Variants in TMED8 observed in about 807,000 individuals in gnomAD.
TMED8 encodes transmembrane p24 trafficking protein family member 8.
TMED8 carries 15 observed loss-of-function variants against 32.7 expected under a neutral mutation model. That is an observed-to-expected ratio of 0.46 (90% CI 0.31 to 0.71). TMED8 has a LOEUF of 0.71. TMED8 is among the 30% of genes least tolerant of loss of function. TMED8 has a pLI of 0.06. For synonymous variants in TMED8, 147 were observed against 161.4 expected (o/e 0.91, Z 0.68); for missense variants, 390 against 423.9 (o/e 0.92, Z 0.70).
At chr14:77,347,447 A>G (rs1893076369) in intron 2 of TMED8, among the ~76,000 whole-genome samples, 1 of 152,218 alleles carries the variant, frequency 6.6e-6, no homozygotes, top group African/African-American at 2.4e-5. Context: ...CAGCTATGTG[A>G]ATAGTTGTTT....
chr14:77,368,983 C>T (rs1287455348), intron 1 of TMED8, among the ~76,000 whole-genome samples: 1 of 152,170 alleles, frequency 6.6e-6, no homozygotes, highest in Non-Finnish European at 1.5e-5. Context: ...ATATTGAGAT[C>T]CGAAAATATT....
chr14:77,358,983 A>G (rs945456804), intron 1 of TMED8, among the ~76,000 whole-genome samples: 10 of 152,026 alleles, frequency 6.6e-5, no homozygotes, highest in African/African-American at 2.4e-4. Context: ...TCACAGCTCA[A>G]TGCAGTCTCA....
Position 77,343,411 on chromosome 14 carries a change from C to T in TMED8, c.527G>A (p.Gly176Asp), listed in dbSNP as rs201428155. The change falls in exon 5 of 6, where the codon GGC (glycine) becomes GAC (aspartate). Residue 176 changes from glycine (G) to aspartate (D), a missense_variant. Physicochemically the swap from Gly to Asp is moderately conservative, Grantham distance 94 (BLOSUM62 -1). Coordinates refer to ENST00000216468, the MANE Select transcript of TMED8 (RefSeq NM_213601.3). ...CACCAGACGGCTGTTCTTCTCTTTG[C>T]CCAGCTTGCTTTTGAATTCCTTCAC... Reference protein sequence around the residue: ...AKVKEFKSKLGKEKNSRLVVK... With the variant: ...AKVKEFKSKLDKEKNSRLVVK... The T allele has an allele frequency of 3.1e-6, 5 of 1,613,932 alleles. No homozygotes were observed. The highest frequency in any genetic ancestry group is 1.3e-5 in the African/African-American group (1 of 75,046).
intron 2 of TMED8, among the ~76,000 whole-genome samples, chr14:77,351,383 C>T (rs1433102219): frequency 7.7e-5 from 4 of 51,776 alleles, no homozygotes; most frequent in South Asian, 2.5e-3. Context: ...CTACTACAGG[C>T]GTGTAGTCTG....
At chr14:77,373,047 C>T (rs569327255) in intron 1 of TMED8, among the ~76,000 whole-genome samples, 1 of 138,080 alleles carries the variant, frequency 7.2e-6, no homozygotes, top group African/African-American at 2.7e-5. Flanking sequence ...CTCACTGCAA[C>T]CTCTGCCTCC....
chr14:77,360,731 G>A (rs1353292868), intron 1 of TMED8, among the ~76,000 whole-genome samples: 1 of 152,136 alleles, frequency 6.6e-6, no homozygotes, highest in Non-Finnish European at 1.5e-5. Context: ...GGGTCATGTG[G>A]TAGTTCTACT....
chr14:77,352,183 C>T (rs1893196205), intron 1 of TMED8, among the ~76,000 whole-genome samples: 1 of 151,996 alleles, frequency 6.6e-6, no homozygotes, highest in East Asian at 1.9e-4. Context: ...AATCCCAGCA[C>T]TTTGGGAGGC....
rs115377366 is a variant in TMED8 at position 77,348,834 on chromosome 14, C to T, written c.198-2356G>A. Among the ~76,000 whole-genome samples the T allele has an allele frequency of 3.3e-3, 505 of 152,302 alleles. 3 individuals carry two copies. The highest frequency in any genetic ancestry group is 0.012 in the African/African-American group (485 of 41,562). ...TTACTCCAACCTACCTCAGGACAGA[C>T]AAGAGGAGGTCACTCCAAGAATCAG... On this transcript the variant is annotated intron_variant, in intron 2 of 5. Transcript: ENST00000216468.
chr14:77,372,923 TATATATATATATATATATATA>T (rs1893708771), intron 1 of TMED8, among the ~76,000 whole-genome samples: 9 of 25,810 alleles, frequency 3.5e-4, no homozygotes, highest in Admixed American at 6.9e-4. Context: ...TATATATATA[TATATATATATATATATATATA>T]TATATATATT....
intron 1 of TMED8, among the ~76,000 whole-genome samples, chr14:77,373,008 C>T (rs1893732605): frequency 8.5e-6 from 1 of 118,236 alleles, no homozygotes; most frequent in Non-Finnish European, 1.6e-5. Flanking sequence ...CTCTGTCGCC[C>T]AGGCTGGAGT....
intron 1 of TMED8, among the ~76,000 whole-genome samples, chr14:77,358,109 G>A (rs1239332576): frequency 3.1e-5 from 4 of 129,466 alleles, no homozygotes; most frequent in East Asian, 2.4e-4. Context: ...GGGTGATGGA[G>A]TGAGGCTCTG....
At position 77,377,037 on chromosome 14, in the gene TMED8, G is replaced by A. The variant is rs1170370920; in HGVS notation, c.17C>T (p.Ala6Val). The A allele has an allele frequency of 6.5e-6, 9 of 1,381,466 alleles. No homozygotes were observed. Among genetic ancestry groups the A allele is most frequent in the South Asian group, 5.0e-5 (3 of 59,644 alleles). 85.6% of individuals were successfully genotyped at this position (1,381,466 alleles called of 1,614,324 possible). ...GCTCCAGGAGCCCGGCCCCTCAGCC[G>A]CCTGCAGGTCAGACATCTGCAGCCC... The part of the protein sequence containing the change: MSDLQ[A>V]AEGPGSWSPT... Residue 6 changes from alanine (A) to valine (V), a missense_variant, in exon 1 of 6, where the codon GCG becomes GTG. Ala to Val is a moderately conservative substitution (Grantham distance 64). Coordinates refer to ENST00000216468, the MANE Select transcript of TMED8 (RefSeq NM_213601.3).
rs751022230 is a variant in TMED8, at chr14:77,336,474, G to A, written c.*5297C>T. The A allele has an allele frequency of 6.6e-6, 1 of 152,142 alleles. No individual in the cohort carries two copies. The highest frequency in any genetic ancestry group is 1.5e-5 in the Non-Finnish European group (1 of 68,022). The allele number at this position is 152,142 out of a possible 1,614,324, so 9.4% of individuals were successfully genotyped here. On this transcript the variant is annotated 3_prime_UTR_variant, in exon 6 of 6. Coordinates refer to ENST00000216468, the MANE Select transcript of TMED8 (RefSeq NM_213601.3). ...ACTATCATTGGTTTTAGGCAATAGT[G>A]TTTTCTTAGCTTAGAAATTTCTTAC...
Position 77,338,174 on chromosome 14 carries a change from C to T in TMED8, c.*3597G>A, listed in dbSNP as rs1372452645. ...CCTTTGTGGCAATAAAATACCAAATCCCAACCTGACTCTGGTATAGCATCA... is the reference window on the plus strand; with the variant it reads ...CCTTTGTGGCAATAAAATACCAAATTCCAACCTGACTCTGGTATAGCATCA... On this transcript the variant is annotated 3_prime_UTR_variant, in exon 6 of 6. Transcript: ENST00000216468. 1 of 152,122 alleles carries T rather than the reference C, an allele frequency of 6.6e-6. No individual in the cohort carries two copies. The highest frequency in any genetic ancestry group is 1.5e-5 in the Non-Finnish European group (1 of 68,030). 9.4% of individuals were successfully genotyped at this position (152,122 alleles called of 1,614,324 possible). A position where few individuals can be genotyped will look rare whatever the true frequency, so the allele number is the denominator to read the frequency against.
Position 77,376,808 on chromosome 14 carries a change from C to A in TMED8, c.118+128G>T. 2.1e-6 allele frequency: 1 copy of A among 473,152 alleles called. No individual in the cohort carries two copies. The highest frequency in any genetic ancestry group is 3.3e-6 in the Non-Finnish European group (1 of 300,896). The allele number at this position is 473,152 out of a possible 1,614,324, so 29.3% of individuals were successfully genotyped here. A position where few individuals can be genotyped will look rare whatever the true frequency, so the allele number is the denominator to read the frequency against. ...AGCGGCGGGGAAGGGGCCCCGCGCG[C>A]GAAGGGGCTGCCGAGGTGGGTCCGC... On this transcript the variant is annotated intron_variant, in intron 1 of 5. Transcript: ENST00000216468. The surrounding 1 kb of genome is among the most constrained non-coding windows in gnomAD (Gnocchi z 4.0).
In TMED8 at chr14:77,344,046, T is replaced by C. The variant is rs552681955; in HGVS notation, c.328-223A>G. On this transcript the variant is annotated intron_variant, in intron 3 of 5. Transcript: ENST00000216468. ...AATATTCCATTGTTTAAAGACTGTT[T>C]CCTACCTTTTGCAACTTTCCTGCTC... Among the ~76,000 whole-genome samples the C allele has an allele frequency of 5.0e-4, 76 of 152,348 alleles. 2 individuals carry two copies. The South Asian group carries it at 0.015, about 30-fold the overall frequency.
At chr14:77,351,014 C>G (rs1200097484) in intron 2 of TMED8, among the ~76,000 whole-genome samples, 2 of 152,094 alleles carry the variant, frequency 1.3e-5, no homozygotes, top group African/African-American at 4.8e-5. Flanking sequence ...TGACCTGGAG[C>G]AGGGAGGCCA....
At chr14:77,363,837 G>GGCATACTT (rs1893491931) in intron 1 of TMED8, among the ~76,000 whole-genome samples, 1 of 151,894 alleles carries the variant, frequency 6.6e-6, no homozygotes, top group South Asian at 2.1e-4. Flanking sequence ...TTTTTAAACT[G>GGCATACTT]GCATACTTGA....
At chr14:77,370,562 T>C (rs536708361) in intron 1 of TMED8, among the ~76,000 whole-genome samples, 1 of 152,304 alleles carries the variant, frequency 6.6e-6, no homozygotes, top group East Asian at 1.9e-4. Flanking sequence ...TATATTTATA[T>C]ATTTTAAAGA....
Sources: gnomAD v4.1 joint callset for allele counts (sites outside exome capture counted in the v4.1 genomes callset) on GRCh38, gnomAD v4.1.1 for gene constraint, Gnocchi (gnomAD v3.1) non-coding constraint, MANE v1.5 for transcripts, NCBI Gene and HGNC (gene_info 2026-07-23, HGNC 2026-07-21) for gene names.